The following EPB41L3 variants were observed in gnomAD, a reference collection of about 807,000 sequenced individuals.
The protein encoded by EPB41L3 is erythrocyte membrane protein band 4.1 like 3, also known as band 4.1-like protein 3.
Under a neutral mutation model 127.1 loss-of-function variants are expected in EPB41L3, and 57 were observed. The ratio of observed to expected loss-of-function variants is 0.45; its 90% CI spans 0.36 to 0.56. The LOEUF is 0.56. Among genes scored for constraint, EPB41L3 ranks in the 20% least tolerant of loss-of-function variants. The pLI, the probability that EPB41L3 is intolerant of heterozygous loss-of-function variation, is 0.00. For missense variants in EPB41L3, 1,273 were observed against 1,372.2 expected (o/e 0.93, Z 1.14); for synonymous variants, 572 against 549.5 (o/e 1.04, Z -0.57).
intron 3 of EPB41L3, among the ~76,000 whole-genome samples, chr18:5,451,592 GC>G (rs1228517366): frequency 6.6e-6 from 1 of 152,194 alleles, no homozygotes; most frequent in Non-Finnish European, 1.5e-5. Context: ...ATGGCATTGG[GC>G]CTCCTGCATG....
In EPB41L3 at chr18:5,436,470, G is replaced by A. The variant is rs958199837; in HGVS notation, c.605+1565C>T. Among the ~76,000 whole-genome samples the A allele has an allele frequency of 6.9e-4, 100 of 144,580 alleles. 1 individual carries two copies. The highest frequency in any genetic ancestry group is 1.8e-3 in the African/African-American group (72 of 39,448). The allele number at this position is 144,580 out of a possible 152,430, so 94.9% of individuals were successfully genotyped here. On this transcript the variant is annotated intron_variant, in intron 6 of 22. Coordinates refer to ENST00000341928, the MANE Select transcript of EPB41L3 (RefSeq NM_012307.5). ...GTTGCCCAGGCTGGAGTGCAGTGGC[G>A]CGATCTCGGCTCACTGCAAGCTCCG...
At chr18:5,562,752 G>A (rs767310513) in intron 3 of EPB41L3, among the ~76,000 whole-genome samples, 4 of 152,136 alleles carry the variant, frequency 2.6e-5, no homozygotes, top group East Asian at 1.9e-4. Flanking sequence ...CTCTCTCCAC[G>A]AAGCCCCTGA....
intron 3 of EPB41L3, 93 bp downstream of exon 3, chr18:5,478,148 C>T (rs2087625404): frequency 2.7e-6 from 3 of 1,122,866 alleles, no homozygotes; most frequent in Non-Finnish European, 3.8e-6. Context: ...TTTCCAGAGT[C>T]CTAGAAAAAT....
chr18:5,399,183 T>C (rs984755610), intron 16 of EPB41L3: 1 of 398,970 alleles, frequency 2.5e-6, no homozygotes, highest in Non-Finnish European at 4.4e-6. Flanking sequence ...GTATATTTTC[T>C]GTTTGCTGTC....
chr18:5,555,293 A>G (rs2094018426), intron 3 of EPB41L3, among the ~76,000 whole-genome samples: 2 of 152,140 alleles, frequency 1.3e-5, no homozygotes, highest in South Asian at 2.1e-4. Context: ...TGTGTTGACC[A>G]TTGCCAAATT....
chr18:5,479,566 C>A (rs1021331657), intron 2 of EPB41L3: 15 of 152,012 alleles, frequency 9.9e-5, no homozygotes, highest in African/African-American at 3.6e-4. Flanking sequence ...CATTTTCTAT[C>A]TTGTTTTCCA....
chr18:5,523,044 T>C (rs138240988), intron 1 of EPB41L3, among the ~76,000 whole-genome samples: 60 of 152,282 alleles, frequency 3.9e-4, no homozygotes, highest in African/African-American at 1.4e-3. Context: ...GGACCTAGTA[T>C]CAAACGCATC....
intron 3 of EPB41L3, among the ~76,000 whole-genome samples, chr18:5,455,282 C>T (rs979427462): frequency 2.0e-5 from 3 of 150,596 alleles, no homozygotes; most frequent in African/African-American, 7.3e-5. Context: ...CAAATCATAC[C>T]ATTACTCTTA....
chr18:5,485,228 C>A (rs1339555350), intron 2 of EPB41L3, among the ~76,000 whole-genome samples: 1 of 151,948 alleles, frequency 6.6e-6, no homozygotes, highest in African/African-American at 2.4e-5. Context: ...ATCACATTAA[C>A]AGAATCAAGA....
intron 1 of EPB41L3, among the ~76,000 whole-genome samples, chr18:5,490,912 T>C (rs535503593): frequency 6.6e-6 from 1 of 152,300 alleles, no homozygotes; most frequent in East Asian, 1.9e-4. Context: ...GCACTGCTTG[T>C]GGTTTAGAAA....
intron 15 of EPB41L3, 27 bp downstream of exon 15, chr18:5,407,674 T>C (rs2075634123): frequency 6.2e-7 from 1 of 1,611,380 alleles, no homozygotes; most frequent in African/African-American, 1.3e-5. Flanking sequence ...GTTGTTGTTG[T>C]TGTTTGTTTT....
chr18:5,487,396 AAT>A (rs1239366002), intron 2 of EPB41L3, among the ~76,000 whole-genome samples: 3 of 145,574 alleles, frequency 2.1e-5, no homozygotes, highest in African/African-American at 7.5e-5. Flanking sequence ...TACAAAATAT[AAT>A]ATATATATTT....
rs938479744 is a variant in EPB41L3, at chr18:5,561,128, C to G, written c.-306+51212G>C. Among the ~76,000 whole-genome samples the G allele has an allele frequency of 1.4e-4, 21 of 150,096 alleles. 1 individual carries two copies. Among genetic ancestry groups the G allele is most frequent in the Non-Finnish European group, 3.0e-5 (2 of 67,338 alleles). ...GAGTAGCTGGGACTACAGGCGCCCG[C>G]CACTACGCCCGGCTAATGTCTTGTA... is the stretch of plus-strand genomic sequence containing the variant. On this transcript the variant is annotated intron_variant, in intron 3 of 21. Transcript: ENST00000545076.
chr18:5,543,890 A>C lies in EPB41L3; in HGVS notation c.-12+23T>G. ...AGCCGAGACCCCCTCGCAGTCCCCC[A>C]CTCCGAGAGGCGGAAAAGTTACCTG... On this transcript the variant is annotated intron_variant, in intron 1 of 22. Transcript: ENST00000341928. This position sits in a 1 kb window ranked among gnomAD's most constrained non-coding sequence, Gnocchi z 5.2. 2 of 982,414 alleles carry C rather than the reference A, an allele frequency of 2.0e-6. No individual in the cohort carries two copies. Among genetic ancestry groups the C allele is most frequent in the Non-Finnish European group, 2.4e-6 (2 of 829,232 alleles). 60.9% of individuals were successfully genotyped at this position (982,414 alleles called of 1,614,324 possible). A position where few individuals can be genotyped will look rare whatever the true frequency, so the allele number is the denominator to read the frequency against.
chr18:5,477,472 A>G (rs1281060840), intron 3 of EPB41L3, among the ~76,000 whole-genome samples: 1 of 152,190 alleles, frequency 6.6e-6, no homozygotes, highest in Non-Finnish European at 1.5e-5. Context: ...GAATGAAGAC[A>G]TGGCATCTGA....
intron 1 of EPB41L3, among the ~76,000 whole-genome samples, chr18:5,624,159 T>A (rs898732925): frequency 6.6e-6 from 1 of 152,160 alleles, no homozygotes; most frequent in African/African-American, 2.4e-5. Context: ...TGTGCCAACA[T>A]GCCTGGCTAA....
chr18:5,408,038 T>C (rs990469177), intron 14 of EPB41L3, among the ~76,000 whole-genome samples: 5 of 152,168 alleles, frequency 3.3e-5, no homozygotes, highest in Non-Finnish European at 5.9e-5. Context: ...TGATGAACAT[T>C]AGAAATAGTT....
chr18:5,539,248 TTCTCTCTCTC>T (rs10598127), intron 1 of EPB41L3, among the ~76,000 whole-genome samples: 21 of 148,582 alleles, frequency 1.4e-4, no homozygotes, highest in African/African-American at 3.5e-4. Context: ...CCTTTCTGCT[TTCTCTCTCTC>T]TCTCTCTCTC....
intron 2 of EPB41L3, chr18:5,480,968 A>C (rs1406236572): frequency 1.3e-5 from 2 of 152,168 alleles, no homozygotes; most frequent in African/African-American, 4.8e-5. Flanking sequence ...ATTAAAAAAA[A>C]CAAAATAAAC....
Sources: gnomAD v4.1 joint callset for allele counts (sites outside exome capture counted in the v4.1 genomes callset) on GRCh38, gnomAD v4.1.1 for gene constraint, Gnocchi (gnomAD v3.1) non-coding constraint, MANE v1.5 for transcripts, NCBI Gene and HGNC (gene_info 2026-07-23, HGNC 2026-07-21) for gene names.